Variants in MELK observed in about 807,000 individuals in gnomAD.
MELK encodes the protein pEg3 kinase.
MELK carries 81 observed loss-of-function variants against 85.0 expected under a neutral mutation model. The ratio of observed to expected loss-of-function variants is 0.95; its 90% confidence interval spans 0.80 to 1.15. The LOEUF (loss-of-function observed/expected upper bound fraction) is 1.15. MELK is among the 50% of genes most tolerant of loss of function. MELK has a pLI of 0.00. For missense variants in MELK, 754 were observed against 777.5 expected (o/e 0.97, Z 0.36); for synonymous variants, 252 against 265.0 (o/e 0.95, Z 0.48).
intron 11 of MELK, among the ~76,000 whole-genome samples, chr9:36,649,403 C>T (rs1587561568): frequency 1.3e-5 from 2 of 152,056 alleles, no homozygotes; most frequent in African/African-American, 2.4e-5. Flanking sequence ...AGGAGAAGGG[C>T]GTGAACCTGG....
At chr9:36,593,196 A>G (rs987739642) in intron 4 of MELK, among the ~76,000 whole-genome samples, 17 of 124,290 alleles carry the variant, frequency 1.4e-4, no homozygotes, top group African/African-American at 2.1e-4. Flanking sequence ...TTTTTTTTTA[A>G]TTATTGCCTA....
intron 11 of MELK, among the ~76,000 whole-genome samples, chr9:36,648,146 A>C (rs558347590): frequency 3.3e-5 from 5 of 152,280 alleles, no homozygotes; most frequent in African/African-American, 1.2e-4. Context: ...AGCTAAGTTT[A>C]CGTCGAACAC....
chr9:36,605,335 T>C (rs139801471), intron 7 of MELK, among the ~76,000 whole-genome samples: 1 of 152,030 alleles, frequency 6.6e-6, no homozygotes, highest in African/African-American at 2.4e-5. Flanking sequence ...CAGCCTCCCA[T>C]GTAGCTGGTA....
intron 13 of MELK, among the ~76,000 whole-genome samples, chr9:36,663,095 T>C (rs551657966): frequency 3.3e-5 from 5 of 152,074 alleles, no homozygotes; most frequent in Non-Finnish European, 2.9e-5. Flanking sequence ...TTTTTTTCTT[T>C]TTGAGACAGA....
rs55637735 is a variant in MELK at position 36,657,270 on chromosome 9, C to G, written c.1083C>G (p.Thr361=). The G allele has an allele frequency of 6.3e-5, 102 of 1,612,780 alleles. No individual in the cohort carries two copies. Among genetic ancestry groups the G allele is most frequent in the Non-Finnish European group, 8.4e-5 (99 of 1,179,724 alleles). The part of the protein sequence containing the change: ...KSNNWSLEDV[T]ASDKNYVAGL... Reference sequence around the variant, plus strand: ...ATAATTGGAGTCTGGAAGATGTGACCGCAAGTGATAAAAATTATGTGGCGG... The same window carrying G: ...ATAATTGGAGTCTGGAAGATGTGACGGCAAGTGATAAAAATTATGTGGCGG... Residue 361 remains threonine, a synonymous_variant, in exon 13 of 18, where the codon ACC becomes ACG. Transcript: ENST00000298048.
chr9:36,624,243 C>T (rs1827729697), intron 8 of MELK, among the ~76,000 whole-genome samples: 1 of 152,016 alleles, frequency 6.6e-6, no homozygotes, highest in Non-Finnish European at 1.5e-5. Flanking sequence ...GCCACCACAC[C>T]CAGCTAATTT....
chr9:36,626,621 C>T (rs1219374867), intron 8 of MELK, among the ~76,000 whole-genome samples: 5 of 152,096 alleles, frequency 3.3e-5, no homozygotes, highest in African/African-American at 9.7e-5. Context: ...AAAAACTCTT[C>T]CTCCCCAGTT....
intron 14 of MELK, among the ~76,000 whole-genome samples, chr9:36,668,332 A>G (rs536085066): frequency 6.6e-6 from 1 of 152,296 alleles, no homozygotes; most frequent in Non-Finnish European, 1.5e-5. Context: ...TTGATATTAT[A>G]TCTTTGTTTT....
chr9:36,574,513 G>T (rs1821442042), intron 1 of MELK, among the ~76,000 whole-genome samples: 1 of 151,628 alleles, frequency 6.6e-6, no homozygotes, highest in Non-Finnish European at 1.5e-5. Context: ...TGAGGCACGA[G>T]CATCTCTGGA....
At chr9:36,623,337 A>T (rs1410592441) in intron 8 of MELK, among the ~76,000 whole-genome samples, 3 of 152,192 alleles carry the variant, frequency 2.0e-5, no homozygotes, top group African/African-American at 7.2e-5. Flanking sequence ...AGAGGGTAAA[A>T]TATATGTACA....
Position 36,643,012 on chromosome 9 carries a change from G to A in MELK, c.850G>A (p.Asp284Asn), listed in dbSNP as rs772912540. The change falls in exon 11 of 18, where the codon GAT becomes AAT. Residue 284 changes from aspartate to asparagine, a missense_variant. Physicochemically the swap from Asp to Asn is conservative, Grantham distance 23. Transcript: ENST00000298048. ...TTTTTTGTAGTTTATTCACCTCGAT[G>A]ATGATTGCGTAACAGAACTTTCTGT... ...QSKNPFIHLD[D>N]DCVTELSVHH... The A allele has an allele frequency of 1.9e-6, 3 of 1,609,142 alleles. No homozygotes were observed. The highest frequency in any genetic ancestry group is 1.3e-5 in the African/African-American group (1 of 74,798).
chr9:36,613,739 G>C (rs540894287), intron 8 of MELK, among the ~76,000 whole-genome samples: 2 of 152,288 alleles, frequency 1.3e-5, no homozygotes, highest in African/African-American at 4.8e-5. Flanking sequence ...CTAGAGCAAA[G>C]ACTGGGAGGT....
intron 16 of MELK, among the ~76,000 whole-genome samples, chr9:36,672,239 T>A (rs1832955534): frequency 6.6e-6 from 1 of 152,216 alleles, no homozygotes; most frequent in Non-Finnish European, 1.5e-5. Context: ...AGACGTTACA[T>A]ATGGCTGTGT....
At chr9:36,595,461 A>C (rs1161506320) in intron 5 of MELK, among the ~76,000 whole-genome samples, 1 of 151,780 alleles carries the variant, frequency 6.6e-6, no homozygotes, top group African/African-American at 2.4e-5. Context: ...TGAACTCCTG[A>C]CCTCAAGCTA....
intron 10 of MELK, among the ~76,000 whole-genome samples, chr9:36,634,805 T>A (rs543275782): frequency 1.4e-4 from 21 of 152,066 alleles, no homozygotes; most frequent in African/African-American, 5.1e-4. Context: ...GAGACCAGCC[T>A]GACCAATATG....
At chr9:36,672,368 A>G (rs1322147035) in intron 16 of MELK, among the ~76,000 whole-genome samples, 1 of 152,238 alleles carries the variant, frequency 6.6e-6, no homozygotes, top group African/African-American at 2.4e-5. Context: ...AAAATGTTAA[A>G]TAAAATTAAG....
chr9:36,626,435 G>A (rs1430619112), intron 8 of MELK, among the ~76,000 whole-genome samples: 2 of 152,062 alleles, frequency 1.3e-5, no homozygotes, highest in Non-Finnish European at 2.9e-5. Flanking sequence ...GAAGGTCTTC[G>A]GGACTCAGAC....
chr9:36,633,767 G>T (rs1828864508), intron 10 of MELK, among the ~76,000 whole-genome samples: 1 of 152,122 alleles, frequency 6.6e-6, no homozygotes, highest in African/African-American at 2.4e-5. Context: ...TTTCTTTAAA[G>T]TCTGGCTTAA....
chr9:36,641,550 G>A (rs1829753357), intron 10 of MELK, among the ~76,000 whole-genome samples: 1 of 151,942 alleles, frequency 6.6e-6, no homozygotes, highest in African/African-American at 2.4e-5. Flanking sequence ...CTGGAGAGGA[G>A]GCCTTTAAGC....
Sources: allele counts gnomAD v4.1 joint callset (sites outside exome capture counted in the v4.1 genomes callset), GRCh38; gene constraint gnomAD v4.1.1; transcripts MANE v1.5; gene names NCBI Gene and HGNC (gene_info 2026-07-23, HGNC 2026-07-21).